The following SLC25A53 variants were observed in gnomAD, a reference collection of about 807,000 sequenced individuals.
SLC25A53 encodes mitochondrial carrier triple repeat protein 6.
SLC25A53 carries 5 observed loss-of-function variants against 15.0 expected under a neutral mutation model. That is an observed-to-expected ratio of 0.33 (90% CI 0.17 to 0.70). SLC25A53 has a LOEUF of 0.70. SLC25A53 is among the 30% of genes least tolerant of loss of function. The pLI is 0.67. For missense variants in SLC25A53, 216 were observed against 241.6 expected (o/e 0.89, Z 0.70); for synonymous variants, 95 against 100.0 (o/e 0.95, Z 0.30).
chrX:104,101,514 G>A lies in SLC25A53; in HGVS notation c.*2820C>T, dbSNP rs1237750718. Reference sequence around the variant, plus strand: ...TTAGCATACAAAAAGATATCACTTTGGAAATTCTAAGGATTTTAGGAGTTG... The same window carrying A: ...TTAGCATACAAAAAGATATCACTTTAGAAATTCTAAGGATTTTAGGAGTTG... On this transcript the variant is annotated 3_prime_UTR_variant, in exon 2 of 2. Coordinates refer to ENST00000594199, the MANE Select transcript of SLC25A53 (RefSeq NM_001012755.5). The A allele has an allele frequency of 1.8e-4, 20 of 112,168 alleles. No individual in the cohort carries two copies. The Admixed American group carries it at 1.9e-3, about 11-fold the overall frequency. The allele number at this position is 112,168 out of a possible 1,213,427, so 9.2% of individuals were successfully genotyped here. A position where few individuals can be genotyped will look rare whatever the true frequency, so the allele number is the denominator to read the frequency against.
intron 1 of SLC25A53, among the ~76,000 whole-genome samples, chrX:104,138,850 C>T (rs1451928172): frequency 9.0e-6 from 1 of 111,643 alleles, no homozygotes; most frequent in Non-Finnish European, 1.9e-5. Context: ...TCGATGCGTT[C>T]CTCTCCACAT....
At chrX:104,110,267 T>G (rs2075333336) in intron 1 of SLC25A53, among the ~76,000 whole-genome samples, 1 of 111,495 alleles carries the variant, frequency 9.0e-6, no homozygotes, top group Non-Finnish European at 1.9e-5. Flanking sequence ...GAAGCAAAAG[T>G]CTGAAGGAAA....
At chrX:104,146,306 C>T (rs1321534036) in intron 1 of SLC25A53, among the ~76,000 whole-genome samples, 18 of 111,917 alleles carry the variant, frequency 1.6e-4, no homozygotes, top group African/African-American at 5.8e-4. Context: ...GAACATATCT[C>T]AAAATAATAA....
intron 1 of SLC25A53, among the ~76,000 whole-genome samples, chrX:104,143,646 C>T (rs148892155): frequency 4.7e-4 from 52 of 111,597 alleles, no homozygotes; most frequent in Non-Finnish European, 8.5e-4. Flanking sequence ...CTGAAAGTGA[C>T]GGGGAGAATG....
At position 104,102,723 on chromosome X, in the gene SLC25A53, C is replaced by T. The variant is rs1236746429; in HGVS notation, c.*1611G>A. On this transcript the variant is annotated 3_prime_UTR_variant, in exon 2 of 2. Coordinates refer to ENST00000594199, the MANE Select transcript of SLC25A53 (RefSeq NM_001012755.5). Reference sequence around the variant, plus strand: ...AGATTTTAAAATGCATACAAAAATCCCTGCTTTCAATGAGTTTTACAGTCT... The same window carrying T: ...AGATTTTAAAATGCATACAAAAATCTCTGCTTTCAATGAGTTTTACAGTCT... The T allele has an allele frequency of 1.8e-5, 2 of 111,554 alleles. No homozygotes were observed. Among genetic ancestry groups the T allele is most frequent in the East Asian group, 2.8e-4 (1 of 3,570 alleles). The allele number at this position is 111,554 out of a possible 1,213,427, so 9.2% of individuals were successfully genotyped here. A position where few individuals can be genotyped will look rare whatever the true frequency, so the allele number is the denominator to read the frequency against.
intron 1 of SLC25A53, chrX:104,115,483 G>C: frequency 2.1e-6 from 1 of 485,009 alleles, no homozygotes; most frequent in Non-Finnish European, 3.5e-6. Context: ...AGTGGATGGG[G>C]AATGGTGTGA....
intron 1 of SLC25A53, among the ~76,000 whole-genome samples, chrX:104,107,737 T>A (rs782643691): frequency 8.9e-6 from 1 of 111,925 alleles, no homozygotes; most frequent in African/African-American, 3.2e-5. Flanking sequence ...GGGCTAGGAT[T>A]TGGCAGTGCA....
chrX:104,108,308 C>T (rs781784185), intron 1 of SLC25A53, among the ~76,000 whole-genome samples: 69 of 111,350 alleles, frequency 6.2e-4, no homozygotes, highest in Non-Finnish European at 1.1e-3. Context: ...AGATCCACCT[C>T]AAAACGTTGT....
intron 1 of SLC25A53, among the ~76,000 whole-genome samples, chrX:104,137,570 G>A: frequency 9.0e-6 from 1 of 111,073 alleles, no homozygotes; most frequent in East Asian, 2.8e-4. Context: ...GCCGACTAGG[G>A]GTCACACACA....
intron 1 of SLC25A53, among the ~76,000 whole-genome samples, chrX:104,127,466 C>T (rs1372256590): frequency 9.0e-6 from 1 of 111,453 alleles, no homozygotes; most frequent in Non-Finnish European, 1.9e-5. Context: ...CAGAAAAACA[C>T]ACACACATAA....
chrX:104,109,047 G>C (rs1556357272), intron 1 of SLC25A53, among the ~76,000 whole-genome samples: 1 of 111,839 alleles, frequency 8.9e-6, no homozygotes, highest in Admixed American at 9.5e-5. Context: ...ACCTGAGAAG[G>C]GGCATATGAC....
intron 1 of SLC25A53, chrX:104,114,988 G>A (rs781854747): frequency 3.4e-6 from 4 of 1,193,569 alleles, no homozygotes; most frequent in Non-Finnish European, 4.5e-6. Context: ...GACACCTACA[G>A]GTGCCCCTCC....
chrX:104,148,230 TC>T (rs1201697178), intron 1 of SLC25A53, among the ~76,000 whole-genome samples: 1 of 107,918 alleles, frequency 9.3e-6, no homozygotes, highest in Non-Finnish European at 1.9e-5. Flanking sequence ...ATGTTCTCAC[TC>T]ATAGGTGGGA....
chrX:104,130,852 T>C (rs950980199), intron 1 of SLC25A53: 1 of 112,001 alleles, frequency 8.9e-6, no homozygotes, highest in East Asian at 2.8e-4. Flanking sequence ...ATAACGTGCA[T>C]GTATGGTTTC....
chrX:104,104,460 C>A lies in SLC25A53; in HGVS notation c.798G>T (p.Leu266=), dbSNP rs1556354586. 5.0e-6 allele frequency: 6 copies of A among 1,211,878 alleles called. No homozygotes were observed. The highest frequency in any genetic ancestry group is 1.7e-5 in the African/African-American group (1 of 57,811). The change falls in exon 2 of 2, where the codon CTG becomes CTT. Residue 266 remains leucine, a synonymous_variant. Transcript: ENST00000594199. ...QDVWNTRGRK[L]LLIYRGGSLV... ...GGGAGCCTCCACGGTAGATCAGGAG[C>A]AGCTTTCGGCCCCGAGTGTTCCATA...
intron 1 of SLC25A53, among the ~76,000 whole-genome samples, chrX:104,127,377 C>G (rs1189854688): frequency 2.7e-5 from 3 of 111,538 alleles, no homozygotes; most frequent in African/African-American, 9.8e-5. Context: ...AGGGGAAGCA[C>G]AAGGGAGGTC....
At chrX:104,115,566 T>C in intron 1 of SLC25A53, 1 of 306,679 alleles carries the variant, frequency 3.3e-6, no homozygotes, top group Non-Finnish European at 5.9e-6. Flanking sequence ...GATGACTTTA[T>C]ACTTTTTATG....
intron 1 of SLC25A53, among the ~76,000 whole-genome samples, chrX:104,109,020 C>A (rs1448172437): frequency 8.9e-6 from 1 of 111,859 alleles, no homozygotes; most frequent in Non-Finnish European, 1.9e-5. Flanking sequence ...AGCAAAAAGA[C>A]AACAGCAATT....
intron 1 of SLC25A53, among the ~76,000 whole-genome samples, chrX:104,118,122 G>A (rs1247543689): frequency 8.9e-6 from 1 of 112,577 alleles, no homozygotes; most frequent in African/African-American, 3.2e-5. Flanking sequence ...AGACAAAGAA[G>A]ACTTGGAGTG....
Sources: gnomAD v4.1 joint callset for allele counts (sites outside exome capture counted in the v4.1 genomes callset) on GRCh38, gnomAD v4.1.1 for gene constraint, MANE v1.5 for transcripts, NCBI Gene and HGNC (gene_info 2026-07-23, HGNC 2026-07-21) for gene names.